The following C17orf67 variants were observed in gnomAD, a reference collection of about 807,000 sequenced individuals.
C17orf67 encodes the protein uncharacterized protein C17orf67.
Under a neutral mutation model 11.2 loss-of-function variants are expected in C17orf67, and 12 were observed. The observed-to-expected ratio is 1.07, with a 90% CI of 0.68 to 1.73. The LOEUF (loss-of-function observed/expected upper bound fraction) is 1.73. C17orf67 is among the 40% of genes most tolerant of loss of function. The pLI is 0.00. For missense variants in C17orf67, 115 were observed against 113.5 expected (o/e 1.01, Z -0.06); for synonymous variants, 59 against 46.9 (o/e 1.26, Z -1.05).
intron 6 of C17orf67, among the ~76,000 whole-genome samples, chr17:56,802,782 G>T (rs17822439): frequency 6.6e-6 from 1 of 152,174 alleles, no homozygotes; most frequent in African/African-American, 2.4e-5. Context: ...GAAACTTTCC[G>T]TAAAGGCTTG....
At chr17:56,806,676 C>T (rs1334257522) in intron 6 of C17orf67, among the ~76,000 whole-genome samples, 2 of 152,180 alleles carry the variant, frequency 1.3e-5, no homozygotes, top group Non-Finnish European at 2.9e-5. Context: ...CAGGTGCATG[C>T]CACCCCACCT....
chr17:56,823,417 T>C (rs1905953031), intron 4 of C17orf67, among the ~76,000 whole-genome samples: 1 of 151,968 alleles, frequency 6.6e-6, no homozygotes, highest in Non-Finnish European at 1.5e-5. Flanking sequence ...AAAAAGCAAC[T>C]TGGGGAAATC....
At chr17:56,799,311 C>T (rs4793831) in intron 6 of C17orf67, among the ~76,000 whole-genome samples, 118,477 of 152,226 alleles carry the variant, frequency 0.78, 46,228 homozygotes, top group Middle Eastern at 0.85. Flanking sequence ...GAATGTCATA[C>T]AGTTAGAATC....
intron 2 of C17orf67, among the ~76,000 whole-genome samples, chr17:56,830,680 G>A (rs773854026): frequency 2.6e-5 from 4 of 152,130 alleles, no homozygotes; most frequent in Non-Finnish European, 5.9e-5. Context: ...CCTGACAAAA[G>A]TAACCTGAAT....
At position 56,830,109 on chromosome 17, in the gene C17orf67, T is replaced by A. The variant is rs147229169; in HGVS notation, c.-557+2789A>T. ...CTGTAATCCCAGCACTTTGGGAGGC[T>A]GAGGCAGGCGGATCATGAGGTCAGG... On this transcript the variant is annotated intron_variant, in intron 2 of 7. Coordinates refer to ENST00000397861, the MANE Select transcript of C17orf67 (RefSeq NM_001085430.4). Among the ~76,000 whole-genome samples the A allele has an allele frequency of 1.8e-3, 268 of 152,204 alleles. 1 individual carries two copies. Among genetic ancestry groups the A allele is most frequent in the African/African-American group, 6.1e-3 (254 of 41,524 alleles).
chr17:56,829,967 C>T (rs931136870), intron 2 of C17orf67, among the ~76,000 whole-genome samples: 4 of 152,210 alleles, frequency 2.6e-5, no homozygotes, highest in African/African-American at 9.6e-5. Flanking sequence ...CGGTACTCAA[C>T]TGCAATATTT....
intron 4 of C17orf67, among the ~76,000 whole-genome samples, chr17:56,818,442 T>A (rs1205333930): frequency 6.6e-6 from 1 of 152,202 alleles, no homozygotes; most frequent in African/African-American, 2.4e-5. Flanking sequence ...AGAGGATCAC[T>A]TGAGCCCGGG....
intron 4 of C17orf67, among the ~76,000 whole-genome samples, chr17:56,820,937 T>C (rs900137938): frequency 3.3e-5 from 5 of 152,022 alleles, no homozygotes; most frequent in Admixed American, 6.6e-5. Context: ...TGAGAGAGGG[T>C]CTTGCTCTGT....
At chr17:56,831,179 G>A (rs557048372) in intron 2 of C17orf67, among the ~76,000 whole-genome samples, 62 of 152,294 alleles carry the variant, frequency 4.1e-4, no homozygotes, top group African/African-American at 1.3e-3. Context: ...GGTGAGAATG[G>A]TGACAGCTGG....
intron 6 of C17orf67, among the ~76,000 whole-genome samples, chr17:56,812,454 G>A (rs1392313582): frequency 6.6e-6 from 1 of 152,230 alleles, no homozygotes; most frequent in Non-Finnish European, 1.5e-5. Context: ...AACTACTGGT[G>A]TAGACTAGCC....
intron 6 of C17orf67, among the ~76,000 whole-genome samples, chr17:56,804,684 A>G (rs575912725): frequency 1.3e-5 from 2 of 152,374 alleles, no homozygotes; most frequent in South Asian, 4.1e-4. Flanking sequence ...CACAGGCCAA[A>G]ATGGAACACT....
chr17:56,795,236 C>T (rs1905190530), intron 6 of C17orf67, 56 bp from the exon 7 acceptor site: 1 of 1,504,146 alleles, frequency 6.6e-7, no homozygotes. Flanking sequence ...GCCAAGGGAT[C>T]AATATGCGTG....
At chr17:56,815,013 A>C (rs1448730585) in intron 5 of C17orf67, 44 bp from the exon 6 acceptor site, 1 of 1,511,748 alleles carries the variant, frequency 6.6e-7, no homozygotes, top group South Asian at 1.1e-5. Flanking sequence ...CAGGCTCAGG[A>C]GTTCATGAGC....
intron 4 of C17orf67, among the ~76,000 whole-genome samples, chr17:56,820,415 C>T (rs1482499219): frequency 6.6e-6 from 1 of 152,178 alleles, no homozygotes; most frequent in Non-Finnish European, 1.5e-5. Flanking sequence ...GACACCATTC[C>T]ATCGCAGGGC....
chr17:56,795,644 T>C (rs1905198598), intron 6 of C17orf67, among the ~76,000 whole-genome samples: 1 of 152,224 alleles, frequency 6.6e-6, no homozygotes, highest in African/African-American at 2.4e-5. Flanking sequence ...CTAATAGTTA[T>C]ATTGCTAGTT....
At chr17:56,794,928 T>G in intron 7 of C17orf67, 116 bp downstream of exon 7, 11 of 639,832 alleles carry the variant, frequency 1.7e-5, no homozygotes, top group Middle Eastern at 4.1e-4. Context: ...TCCAAACCCA[T>G]AACCAGCTAA....
intron 6 of C17orf67, 104 bp downstream of exon 6, chr17:56,814,765 A>G (rs4794668): frequency 0.78 from 868,415 of 1,107,402 alleles, 341,738 homozygotes; most frequent in Middle Eastern, 0.85. Flanking sequence ...AACTCTAACC[A>G]AACCCCTAAC....
chr17:56,824,629 C>T (rs2144147962), intron 4 of C17orf67, 110 bp downstream of exon 4: 1 of 152,410 alleles, frequency 6.6e-6, no homozygotes, highest in African/African-American at 2.4e-5. Context: ...CTCAGATGCC[C>T]TCACTGTGAT....
chr17:56,801,338 A>C (rs772059191), intron 6 of C17orf67, among the ~76,000 whole-genome samples: 1 of 152,220 alleles, frequency 6.6e-6, no homozygotes, highest in Admixed American at 6.5e-5. Flanking sequence ...AAAACTCTAA[A>C]TCATGGAAAC....
Sources: allele counts gnomAD v4.1 joint callset (sites outside exome capture counted in the v4.1 genomes callset), GRCh38; gene constraint gnomAD v4.1.1; transcripts MANE v1.5; gene names NCBI Gene and HGNC (gene_info 2026-07-23, HGNC 2026-07-21).